CCDC71L: variants seen among roughly 807,000 people sequenced by gnomAD.
CCDC71L encodes coiled-coil domain-containing protein 71L.
Under a neutral mutation model 10.2 loss-of-function variants are expected in CCDC71L, and 6 were observed. That is an observed-to-expected ratio of 0.59 (90% CI 0.32 to 1.16). The LOEUF is 1.16. CCDC71L is among the 50% of genes most tolerant of loss of function. CCDC71L has a pLI of 0.05. For missense variants in CCDC71L, 366 were observed against 383.4 expected (o/e 0.95, Z 0.38); for synonymous variants, 204 against 175.5 (o/e 1.16, Z -1.28).
In CCDC71L at chr7:106,661,068, G is replaced by T; in HGVS notation, c.-172C>A. 1.0e-6 allele frequency: 1 copy of T among 996,544 alleles called. No individual in the cohort carries two copies. Among genetic ancestry groups the T allele is most frequent in the Non-Finnish European group, 1.3e-6 (1 of 750,586 alleles). 61.7% of individuals were successfully genotyped at this position (996,544 alleles called of 1,614,324 possible). ...GGAGGACGCGGGCGAATATCCTGCTGCCCGGTACAAGATGGCGGCCGGCGC... is the reference window on the plus strand; with the variant it reads ...GGAGGACGCGGGCGAATATCCTGCTTCCCGGTACAAGATGGCGGCCGGCGC... On this transcript the variant is annotated 5_prime_UTR_variant, in exon 1 of 1. Transcript: ENST00000523505.
rs1388037118 is a variant in CCDC71L at position 106,657,163 on chromosome 7, A to G, written c.*3026T>C. 1 of 152,214 alleles carries G rather than the reference A, an allele frequency of 6.6e-6. No homozygotes were observed. Among genetic ancestry groups the G allele is most frequent in the African/African-American group, 2.4e-5 (1 of 41,448 alleles). 9.4% of individuals were successfully genotyped at this position (152,214 alleles called of 1,614,324 possible). A position where few individuals can be genotyped will look rare whatever the true frequency, so the allele number is the denominator to read the frequency against. The stretch of plus-strand genomic sequence containing the variant: ...GCTTAAGTTACACTTGTCAATATTC[A>G]AACTTGAATAAAATAAACACACATC... On this transcript the variant is annotated 3_prime_UTR_variant, in exon 1 of 1. Transcript: ENST00000523505.
chr7:106,657,566 T>C lies in CCDC71L; in HGVS notation c.*2623A>G, dbSNP rs990639759. On this transcript the variant is annotated 3_prime_UTR_variant, in exon 1 of 1. Transcript: ENST00000523505. ...TATAAAGGCCACTATGCCAAGTTTCTTTTCACATTCTGTGACAAAGTACCC... is the reference window on the plus strand; with the variant it reads ...TATAAAGGCCACTATGCCAAGTTTCCTTTCACATTCTGTGACAAAGTACCC... 6.6e-6 allele frequency: 1 copy of C among 152,240 alleles called. No homozygotes were observed. Among genetic ancestry groups the C allele is most frequent in the African/African-American group, 2.4e-5 (1 of 41,464 alleles). 9.4% of individuals were successfully genotyped at this position (152,240 alleles called of 1,614,324 possible). A position where few individuals can be genotyped will look rare whatever the true frequency, so the allele number is the denominator to read the frequency against.
Position 106,660,160 on chromosome 7 carries a change from C to G in CCDC71L, c.*29G>C. On this transcript the variant is annotated 3_prime_UTR_variant, in exon 1 of 1. Transcript: ENST00000523505. This position sits in a 1 kb window ranked among gnomAD's most constrained non-coding sequence, Gnocchi z 7.5. ...CGGAAGGCCTGTCCCAAGGTCGGGG[C>G]CGGCAGGAGGCGCCCTGGAGGCCGC... The G allele has an allele frequency of 6.7e-7, 1 of 1,498,418 alleles. No homozygotes were observed. Among genetic ancestry groups the G allele is most frequent in the South Asian group, 1.3e-5 (1 of 79,230 alleles). 92.8% of individuals were successfully genotyped at this position (1,498,418 alleles called of 1,614,324 possible).
chr7:106,660,792 C>G lies in CCDC71L; in HGVS notation c.105G>C (p.Ala35=). The G allele has an allele frequency of 1.3e-6, 2 of 1,547,900 alleles. No individual in the cohort carries two copies. The highest frequency in any genetic ancestry group is 5.0e-5 in the East Asian group (2 of 40,402). The change falls in exon 1 of 1, where the codon GCG becomes GCC. Residue 35 remains alanine, a synonymous_variant. Transcript: ENST00000523505. The surrounding 1 kb of genome is among the most constrained non-coding windows in gnomAD (Gnocchi z 7.5). ...GCGAGTACACCACCTTCTCCTCCCG[C>G]GCCTCCAACCCAGCCCCGTCTTCTG... ...FRAEDGAGLE[A]REEKVVYSRS... is the part of the protein sequence containing the mutation.
rs1256232322 is a variant in CCDC71L, at chr7:106,658,177, G to C, written c.*2012C>G. On this transcript the variant is annotated 3_prime_UTR_variant, in exon 1 of 1. Transcript: ENST00000523505. Reference sequence around the variant, plus strand: ...TGCATCTGAAATACAATTGGCAATGGAAGCTAATAACCAAAAGATATGTCT... The same window carrying C: ...TGCATCTGAAATACAATTGGCAATGCAAGCTAATAACCAAAAGATATGTCT... The C allele has an allele frequency of 6.6e-6, 1 of 152,072 alleles. No individual in the cohort carries two copies. The highest frequency in any genetic ancestry group is 2.4e-5 in the African/African-American group (1 of 41,412). 9.4% of individuals were successfully genotyped at this position (152,072 alleles called of 1,614,324 possible).
rs1250018625 is a variant in CCDC71L at position 106,655,182 on chromosome 7, T to C, written c.*5007A>G. 6.6e-6 allele frequency among the ~76,000 whole-genome samples: 1 copy of C among 152,130 alleles called. No homozygotes were observed. Among genetic ancestry groups the C allele is most frequent in the Non-Finnish European group, 1.5e-5 (1 of 67,970 alleles). ...GTGATGACAGTGAGAAGTCATTACT[T>C]CTGTGAAATCTGCAATTAGGCTCAA... On this transcript the variant is annotated 3_prime_UTR_variant, in exon 1 of 1. Transcript: ENST00000523505.
Position 106,656,275 on chromosome 7 carries a change from C to T in CCDC71L, c.*3914G>A, listed in dbSNP as rs11983797. Among the ~76,000 whole-genome samples the T allele has an allele frequency of 0.022, 3,363 of 152,170 alleles. 120 individuals are homozygous for T. Among genetic ancestry groups the T allele is most frequent in the African/African-American group, 0.076 (3,152 of 41,492 alleles). On this transcript the variant is annotated 3_prime_UTR_variant, in exon 1 of 1. Coordinates refer to ENST00000523505, the MANE Select transcript of CCDC71L (RefSeq NM_175884.6). ...GCCCACACAGTACTATCTATGAATC[C>T]GGCTCTTGCTGTGCTGTTCACTAAT... is the stretch of plus-strand genomic sequence containing the variant.
At position 106,656,425 on chromosome 7, in the gene CCDC71L, A is replaced by G. The variant is rs895874678; in HGVS notation, c.*3764T>C. Among the ~76,000 whole-genome samples the G allele has an allele frequency of 6.6e-6, 1 of 152,128 alleles. No homozygotes were observed. Among genetic ancestry groups the G allele is most frequent in the African/African-American group, 2.4e-5 (1 of 41,416 alleles). ...TCCTTTCATGCCATGAAAGAGCAAGAGCTTTAGACCTTTTGTCATCGTCAC... is the reference window on the plus strand; with the variant it reads ...TCCTTTCATGCCATGAAAGAGCAAGGGCTTTAGACCTTTTGTCATCGTCAC... On this transcript the variant is annotated 3_prime_UTR_variant, in exon 1 of 1. Transcript: ENST00000523505.
In CCDC71L at chr7:106,660,874, C is replaced by A. The variant is rs1421911436; in HGVS notation, c.23G>T (p.Arg8Leu). Residue 8 changes from arginine (R) to leucine (L), a missense_variant, in exon 1 of 1, where the codon CGG (arginine) becomes CTG (leucine). Transcript: ENST00000523505. The surrounding 1 kb of genome is among the most constrained non-coding windows in gnomAD (Gnocchi z 7.5). ...CGGGGCGACCGGGCGCCGGCGCCGCCGCCTCTTCATACTGCGCCGCATCGA... is the reference window on the plus strand; with the variant it reads ...CGGGGCGACCGGGCGCCGGCGCCGCAGCCTCTTCATACTGCGCCGCATCGA... MRRSMKR[R>L]RRRRPVAPAT... 6.9e-7 allele frequency: 1 copy of A among 1,459,292 alleles called. No individual in the cohort carries two copies. Among genetic ancestry groups the A allele is most frequent in the African/African-American group, 1.5e-5 (1 of 67,330 alleles). The allele number at this position is 1,459,292 out of a possible 1,614,324, so 90.4% of individuals were successfully genotyped here.
At position 106,660,565 on chromosome 7, in the gene CCDC71L, G is replaced by C. The variant is rs777033550; in HGVS notation, c.332C>G (p.Pro111Arg). ...YSSCRALVPD[P>R]PGPPTARGQA... ...GCCGCGGGCTGTAGGGGGCCCCGGGGGGTCGGGTACCAGGGCCCGGCAGGA... is the reference window on the plus strand; with the variant it reads ...GCCGCGGGCTGTAGGGGGCCCCGGGCGGTCGGGTACCAGGGCCCGGCAGGA... The change falls in exon 1 of 1, where the codon CCC becomes CGC. Residue 111 changes from proline to arginine, a missense_variant. Physicochemically the swap from Pro to Arg is moderately radical, Grantham distance 103. Coordinates refer to ENST00000523505, the MANE Select transcript of CCDC71L (RefSeq NM_175884.6). The surrounding 1 kb of genome is among the most constrained non-coding windows in gnomAD (Gnocchi z 7.5). 5 of 1,535,406 alleles carry C rather than the reference G, an allele frequency of 3.3e-6. No individual in the cohort carries two copies. The highest frequency in any genetic ancestry group is 4.5e-4 in the Middle Eastern group (2 of 4,482).
At position 106,656,435 on chromosome 7, in the gene CCDC71L, C is replaced by A. The variant is rs1188440627; in HGVS notation, c.*3754G>T. Among the ~76,000 whole-genome samples the A allele has an allele frequency of 1.3e-5, 2 of 151,950 alleles. No homozygotes were observed. The highest frequency in any genetic ancestry group is 2.9e-5 in the Non-Finnish European group (2 of 67,984). On this transcript the variant is annotated 3_prime_UTR_variant, in exon 1 of 1. Coordinates refer to ENST00000523505, the MANE Select transcript of CCDC71L (RefSeq NM_175884.6). ...CCATGAAAGAGCAAGAGCTTTAGAC[C>A]TTTTGTCATCGTCACAGGGGCACCT...
rs1172358082 is a variant in CCDC71L at position 106,654,571 on chromosome 7, C to T, written c.*5618G>A. Among the ~76,000 whole-genome samples, 1 of 151,976 alleles carries T rather than the reference C, an allele frequency of 6.6e-6. No individual in the cohort carries two copies. The highest frequency in any genetic ancestry group is 1.5e-5 in the Non-Finnish European group (1 of 67,948). On this transcript the variant is annotated 3_prime_UTR_variant, in exon 1 of 1. Transcript: ENST00000523505. Reference sequence around the variant, plus strand: ...CAAGTGAAAGAAGCTAGACACATGACCAATAATTCCATTTATGTAAAGTTC... The same window carrying T: ...CAAGTGAAAGAAGCTAGACACATGATCAATAATTCCATTTATGTAAAGTTC...
rs1258135838 is a variant in CCDC71L at position 106,660,807 on chromosome 7, C to A, written c.90G>T (p.Gly30=). The change falls in exon 1 of 1, where the codon GGG becomes GGT. Residue 30 remains glycine, a synonymous_variant. Transcript: ENST00000523505. The surrounding 1 kb of genome is among the most constrained non-coding windows in gnomAD (Gnocchi z 7.5). ...TCTCCTCCCGCGCCTCCAACCCAGC[C>A]CCGTCTTCTGCCCTAAAGTCGCCGC... ...ARGGDFRAED[G]AGLEAREEKV... The A allele has an allele frequency of 1.3e-6, 2 of 1,544,522 alleles. No individual in the cohort carries two copies. The highest frequency in any genetic ancestry group is 2.4e-5 in the South Asian group (2 of 83,678).
chr7:106,658,935 T>A lies in CCDC71L; in HGVS notation c.*1254A>T, dbSNP rs866386203. 6.6e-6 allele frequency: 1 copy of A among 152,288 alleles called. No homozygotes were observed. Among genetic ancestry groups the A allele is most frequent in the African/African-American group, 2.4e-5 (1 of 41,454 alleles). 9.4% of individuals were successfully genotyped at this position (152,288 alleles called of 1,614,324 possible). On this transcript the variant is annotated 3_prime_UTR_variant, in exon 1 of 1. Coordinates refer to ENST00000523505, the MANE Select transcript of CCDC71L (RefSeq NM_175884.6). The stretch of plus-strand genomic sequence containing the variant: ...AAAAAATCAACTAAAAATCAACTAA[T>A]TTTCATTATGTTTGTAAAACTGATG...
rs1190487867 is a variant in CCDC71L, at chr7:106,660,426, G to T, written c.471C>A (p.Pro157=). 3 of 1,238,378 alleles carry T rather than the reference G, an allele frequency of 2.4e-6. No homozygotes were observed. Among genetic ancestry groups the T allele is most frequent in the Non-Finnish European group, 3.0e-6 (3 of 992,388 alleles). 76.7% of individuals were successfully genotyped at this position (1,238,378 alleles called of 1,614,324 possible). A position where few individuals can be genotyped will look rare whatever the true frequency, so the allele number is the denominator to read the frequency against. The part of the protein sequence containing the change: ...PRPPPPPPPP[P]EESCPAKPVA... ...CGGGCTTGGCCGGGCAGCTCTCCTCGGGGGGCGGCGGCGGTGGGGGTGGCG... is the reference window on the plus strand; with the variant it reads ...CGGGCTTGGCCGGGCAGCTCTCCTCTGGGGGCGGCGGCGGTGGGGGTGGCG... Residue 157 remains proline (P), a synonymous_variant, in exon 1 of 1, where the codon CCC becomes CCA. Transcript: ENST00000523505. The surrounding 1 kb of genome is among the most constrained non-coding windows in gnomAD (Gnocchi z 7.5).
In CCDC71L at chr7:106,656,391, A is replaced by ACT. The variant is rs1349211356; in HGVS notation, c.*3796_*3797dup. On this transcript the variant is annotated 3_prime_UTR_variant, in exon 1 of 1. Transcript: ENST00000523505. ...CATACCACTGGTACTCAAATGGAGC[A>ACT]CTCTTACTTCCTTTCATGCCATGAA... is the stretch of plus-strand genomic sequence containing the variant. Among the ~76,000 whole-genome samples, 1 of 151,960 alleles carries ACT rather than the reference A, an allele frequency of 6.6e-6. No homozygotes were observed. Among genetic ancestry groups the ACT allele is most frequent in the Non-Finnish European group, 1.5e-5 (1 of 67,992 alleles).
Position 106,660,592 on chromosome 7 carries a change from G to T in CCDC71L, c.305C>A (p.Ser102Tyr). The T allele has an allele frequency of 6.4e-7, 1 of 1,571,244 alleles. No individual in the cohort carries two copies. Among genetic ancestry groups the T allele is most frequent in the Non-Finnish European group, 8.6e-7 (1 of 1,160,190 alleles). Residue 102 changes from serine to tyrosine, a missense_variant, in exon 1 of 1, where the codon TCC (serine) becomes TAC (tyrosine). By Grantham distance (144) the Ser-to-Tyr change is moderately radical (BLOSUM62 -2). Coordinates refer to ENST00000523505, the MANE Select transcript of CCDC71L (RefSeq NM_175884.6). This position sits in a 1 kb window ranked among gnomAD's most constrained non-coding sequence, Gnocchi z 7.5. ...ILRSKDVYGY[S>Y]SCRALVPDPP... ...GTCGGGTACCAGGGCCCGGCAGGAGGAGTAGCCGTAGACGTCCTTGCTGCG... is the reference window on the plus strand; with the variant it reads ...GTCGGGTACCAGGGCCCGGCAGGAGTAGTAGCCGTAGACGTCCTTGCTGCG...
Position 106,659,896 on chromosome 7 carries a change from G to A in CCDC71L, c.*293C>T. Reference sequence around the variant, plus strand: ...GATCTGCCCCTAAGGTCCTGGAGACGTCTCAATCGGTGGTCAGGAAGAAAG... The same window carrying A: ...GATCTGCCCCTAAGGTCCTGGAGACATCTCAATCGGTGGTCAGGAAGAAAG... On this transcript the variant is annotated 3_prime_UTR_variant, in exon 1 of 1. Transcript: ENST00000523505. The A allele has an allele frequency of 2.5e-6, 1 of 400,728 alleles. No individual in the cohort carries two copies. The highest frequency in any genetic ancestry group is 4.5e-6 in the Non-Finnish European group (1 of 222,632). 24.8% of individuals were successfully genotyped at this position (400,728 alleles called of 1,614,324 possible).
At position 106,654,401 on chromosome 7, in the gene CCDC71L, A is replaced by G. The variant is rs1792459038; in HGVS notation, c.*5788T>C. On this transcript the variant is annotated 3_prime_UTR_variant, in exon 1 of 1. Transcript: ENST00000523505. ...AAAGCTTTATTTATAATTGTTCCAAACTGGAATCTACCCAAATGCCCACCA... is the reference window on the plus strand; with the variant it reads ...AAAGCTTTATTTATAATTGTTCCAAGCTGGAATCTACCCAAATGCCCACCA... Among the ~76,000 whole-genome samples the G allele has an allele frequency of 6.6e-6, 1 of 152,198 alleles. No homozygotes were observed. Among genetic ancestry groups the G allele is most frequent in the African/African-American group, 2.4e-5 (1 of 41,442 alleles).
Sources: gnomAD v4.1 joint callset for allele counts (sites outside exome capture counted in the v4.1 genomes callset) on GRCh38, gnomAD v4.1.1 for gene constraint, Gnocchi (gnomAD v3.1) non-coding constraint, MANE v1.5 for transcripts, NCBI Gene and HGNC (gene_info 2026-07-23, HGNC 2026-07-21) for gene names.